ERI1: variants seen among roughly 807,000 people sequenced by gnomAD.
The protein encoded by ERI1 is exoribonuclease 1, also known as 3'-5' exoribonuclease 1.
Under a neutral mutation model 39.7 loss-of-function variants are expected in ERI1, and 39 were observed. That is an observed-to-expected ratio of 0.98 (90% CI 0.76 to 1.28). The LOEUF (loss-of-function observed/expected upper bound fraction) is 1.28. Among genes scored for constraint, ERI1 ranks in the 50% most tolerant of loss-of-function variants. The probability of loss-of-function intolerance (pLI) is 0.00; values close to 1 mark genes in which losing one functional copy is unlikely to be tolerated. For missense variants in ERI1, 581 were observed against 416.9 expected (o/e 1.39, Z -3.43); for synonymous variants, 204 against 149.6 (o/e 1.36, Z -2.65).
chr8:9,097,962 C>T (rs1348101952), intron 3 of ERI1, among the ~76,000 whole-genome samples: 1 of 152,178 alleles, frequency 6.6e-6, no homozygotes, highest in Non-Finnish European at 1.5e-5. Context: ...GCAATAATGG[C>T]ATTTGCAGCA....
chr8:9,016,424 TC>T lies in ERI1; in HGVS notation c.582+20del. The stretch of plus-strand genomic sequence containing the variant: ...TACTCAGGTTATAATTCTAAGTTCT[TC>T]TTTCTAGAGTTTGAAAGAGTTCTTG... On this transcript the variant is annotated intron_variant, in intron 4 of 6. Transcript: ENST00000250263. 6.7e-7 allele frequency: 1 copy of T among 1,501,682 alleles called. No individual in the cohort carries two copies. Among genetic ancestry groups the T allele is most frequent in the South Asian group, 1.2e-5 (1 of 80,376 alleles). The allele number at this position is 1,501,682 out of a possible 1,614,324, so 93.0% of individuals were successfully genotyped here. A position where few individuals can be genotyped will look rare whatever the true frequency, so the allele number is the denominator to read the frequency against.
At chr8:9,069,696 C>T (rs561081871) in intron 3 of ERI1, among the ~76,000 whole-genome samples, 10 of 152,120 alleles carry the variant, frequency 6.6e-5, no homozygotes, top group Admixed American at 5.2e-4. Flanking sequence ...TGTAACAAAC[C>T]GGCACATGTA....
chr8:9,094,525 G>C (rs1321399111), intron 3 of ERI1, among the ~76,000 whole-genome samples: 1 of 152,188 alleles, frequency 6.6e-6, no homozygotes, highest in African/African-American at 2.4e-5. Flanking sequence ...GATTGGCTCT[G>C]TTCCCTCTCC....
chr8:9,047,058 T>C (rs1798195804), intron 3 of ERI1, among the ~76,000 whole-genome samples: 1 of 152,206 alleles, frequency 6.6e-6, no homozygotes, highest in South Asian at 2.1e-4. Flanking sequence ...AAAGCACGGC[T>C]GTTCCCAACA....
chr8:9,074,486 G>A (rs745976935), intron 3 of ERI1, among the ~76,000 whole-genome samples: 1 of 152,056 alleles, frequency 6.6e-6, no homozygotes, highest in African/African-American at 2.4e-5. Flanking sequence ...CTGTCACCCA[G>A]GCTGGAGTGC....
chr8:9,038,569 C>T (rs1482716307), intron 3 of ERI1, among the ~76,000 whole-genome samples: 1 of 151,980 alleles, frequency 6.6e-6, no homozygotes, highest in Non-Finnish European at 1.5e-5. Flanking sequence ...CCAGCTTGGG[C>T]AACATGGTGA....
chr8:9,048,229 C>T (rs1055891528), intron 3 of ERI1, among the ~76,000 whole-genome samples: 1 of 152,210 alleles, frequency 6.6e-6, no homozygotes, highest in Non-Finnish European at 1.5e-5. Flanking sequence ...TCTCTGGAGG[C>T]ACTGATTTGC....
chr8:9,065,207 T>C (rs1798836458), intron 3 of ERI1, among the ~76,000 whole-genome samples: 2 of 152,218 alleles, frequency 1.3e-5, no homozygotes, highest in Non-Finnish European at 2.9e-5. Flanking sequence ...CAACTATCTA[T>C]AGTACAGCTA....
At chr8:9,028,530 G>A (rs984020675) in intron 6 of ERI1, among the ~76,000 whole-genome samples, 9 of 152,218 alleles carry the variant, frequency 5.9e-5, no homozygotes, top group African/African-American at 2.2e-4. Flanking sequence ...GGATGAAGAA[G>A]CTGAGGTCCA....
At chr8:9,028,758 G>C (rs1440787873) in intron 6 of ERI1, among the ~76,000 whole-genome samples, 1 of 151,946 alleles carries the variant, frequency 6.6e-6, no homozygotes, top group Non-Finnish European at 1.5e-5. Flanking sequence ...CGAGTAGCTG[G>C]GATTACAGGC....
chr8:9,042,889 C>T (rs1372046035), intron 3 of ERI1, among the ~76,000 whole-genome samples: 1 of 152,220 alleles, frequency 6.6e-6, no homozygotes, highest in Non-Finnish European at 1.5e-5. Flanking sequence ...TCAACCTACA[C>T]GTGCACCTGC....
chr8:9,083,055 C>G (rs1354733249), intron 3 of ERI1, among the ~76,000 whole-genome samples: 1 of 152,078 alleles, frequency 6.6e-6, no homozygotes, highest in African/African-American at 2.4e-5. Flanking sequence ...AATGTATTTG[C>G]TATTTATCTG....
At position 9,002,919 on chromosome 8, in the gene ERI1, T is replaced by G. The variant is rs1049391600; in HGVS notation, c.-145T>G. ...GCCACACGCTCCCGGAAGTGGGAGGTGGCCGCTGGAGTTTGTGTGGCCGCC... is the reference window on the plus strand; with the variant it reads ...GCCACACGCTCCCGGAAGTGGGAGGGGGCCGCTGGAGTTTGTGTGGCCGCC... On this transcript the variant is annotated 5_prime_UTR_variant, in exon 1 of 7. Coordinates refer to ENST00000250263, the MANE Select transcript of ERI1 (RefSeq NM_153332.4). The G allele has an allele frequency of 2.0e-6, 1 of 506,274 alleles. No homozygotes were observed. The highest frequency in any genetic ancestry group is 3.1e-6 in the Non-Finnish European group (1 of 325,850). 31.4% of individuals were successfully genotyped at this position (506,274 alleles called of 1,614,324 possible). A position where few individuals can be genotyped will look rare whatever the true frequency, so the allele number is the denominator to read the frequency against.
chr8:9,010,527 G>A (rs567091342), intron 2 of ERI1, among the ~76,000 whole-genome samples: 206 of 152,152 alleles, frequency 1.4e-3, no homozygotes, highest in African/African-American at 4.8e-3. Context: ...ATTTTTTTCA[G>A]TGCTTAATTG....
intron 3 of ERI1, among the ~76,000 whole-genome samples, chr8:9,087,791 T>C (rs888148436): frequency 8.5e-5 from 13 of 152,274 alleles, no homozygotes; most frequent in Non-Finnish European, 1.6e-4. Flanking sequence ...TTCCCTACTT[T>C]CACAGAGAGG....
chr8:9,064,667 G>A (rs1409198439), intron 3 of ERI1, among the ~76,000 whole-genome samples: 2 of 152,206 alleles, frequency 1.3e-5, no homozygotes, highest in Non-Finnish European at 2.9e-5. Context: ...TTGGTGAGTT[G>A]TTCCTTGGGC....
chr8:9,096,877 G>C (rs569332617), intron 3 of ERI1: 10 of 151,834 alleles, frequency 6.6e-5, no homozygotes, highest in African/African-American at 1.5e-4. Flanking sequence ...CACTGTGCCC[G>C]GCCTCTGTTC....
At chr8:9,050,305 C>T (rs1057222927) in intron 3 of ERI1, among the ~76,000 whole-genome samples, 36 of 152,082 alleles carry the variant, frequency 2.4e-4, no homozygotes, top group African/African-American at 8.4e-4. Context: ...GTCAGGAGTT[C>T]GAGACCACCC....
intron 2 of ERI1, among the ~76,000 whole-genome samples, chr8:9,010,896 A>C (rs1002223706): frequency 1.3e-5 from 2 of 152,194 alleles, no homozygotes; most frequent in Non-Finnish European, 2.9e-5. Context: ...ACCCATGATA[A>C]ATTAAGAAAC....
Sources: gnomAD v4.1 joint callset for allele counts (sites outside exome capture counted in the v4.1 genomes callset) on GRCh38, gnomAD v4.1.1 for gene constraint, MANE v1.5 for transcripts, NCBI Gene and HGNC (gene_info 2026-07-23, HGNC 2026-07-21) for gene names.